Variants in UNC5A observed in about 807,000 individuals in gnomAD.
UNC5A encodes unc-5 netrin receptor A.
In UNC5A, 20 loss-of-function variants were observed where a neutral mutation model predicts 87.4. That is an observed-to-expected ratio of 0.23 (90% CI 0.16 to 0.33). The LOEUF (loss-of-function observed/expected upper bound fraction) is 0.33. Among genes scored for constraint, UNC5A ranks in the 10% least tolerant of loss-of-function variants. The probability of loss-of-function intolerance (pLI) is 1.00; values close to 1 mark genes in which losing one functional copy is unlikely to be tolerated. For missense variants in UNC5A, 844 were observed against 1,133.4 expected (o/e 0.74, Z 3.67); for synonymous variants, 438 against 482.3 (o/e 0.91, Z 1.20).
chr5:176,861,007 C>T (rs1466781556), intron 1 of UNC5A, among the ~76,000 whole-genome samples: 1 of 152,102 alleles, frequency 6.6e-6, no homozygotes, highest in Non-Finnish European at 1.5e-5. Context: ...TCCCAAATGC[C>T]CTCCACACCC....
rs149303258 is a variant in UNC5A at position 176,868,890 on chromosome 5, C to T, written c.647C>T (p.Thr216Met). 7 of 1,612,740 alleles carry T rather than the reference C, an allele frequency of 4.3e-6. No homozygotes were observed. In the African/African-American group the frequency reaches 5.3e-5, roughly 12 times the overall value. The change falls in exon 5 of 15, where the codon ACG becomes ATG. Residue 216 changes from threonine (T) to methionine (M), a missense_variant. Thr to Met is a moderately conservative substitution (Grantham distance 81). Around this residue, in one of 3 missense-constraint regions of UNC5A, gnomAD observed 314 missense variants for 466.5 expected, o/e 0.67. Coordinates refer to ENST00000329542, the MANE Select transcript of UNC5A (RefSeq NM_133369.3). Reference protein sequence around the residue: ...LVVRQARLADTANYTCVAKNI... With the variant: ...LVVRQARLADMANYTCVAKNI... ...GTGCGACAGGCCCGCCTTGCTGACACGGCCAACTACACCTGCGTGGCCAAG... is the reference window on the plus strand; with the variant it reads ...GTGCGACAGGCCCGCCTTGCTGACATGGCCAACTACACCTGCGTGGCCAAG...
rs189668572 is a variant in UNC5A at position 176,867,068 on chromosome 5, G to A, written c.293-1062G>A. ...AGCCTGCCGGCTCAGCTGGGCGGCC[G>A]CTCTTCCCGCAATGCAGCCCTAATT... is the stretch of plus-strand genomic sequence containing the variant. On this transcript the variant is annotated intron_variant, in intron 2 of 14. Coordinates refer to ENST00000329542, the MANE Select transcript of UNC5A (RefSeq NM_133369.3). Among the ~76,000 whole-genome samples the A allele has an allele frequency of 1.1e-4, 16 of 152,304 alleles. 1 individual carries two copies. The highest frequency in any genetic ancestry group is 6.8e-3 in the Middle Eastern group (2 of 294).
chr5:176,848,014 C>T lies in UNC5A; in HGVS notation c.71-14610C>T, dbSNP rs1013642280. On this transcript the variant is annotated intron_variant, in intron 1 of 14. Transcript: ENST00000329542. This position sits in a 1 kb window ranked among gnomAD's most constrained non-coding sequence, Gnocchi z 5.8. The stretch of plus-strand genomic sequence containing the variant: ...CTGGGCTTCTTGAGGGCGGAGGCTC[C>T]TGCTGCCTTCCCACACCAGACCTGG... Among the ~76,000 whole-genome samples, 2 of 152,128 alleles carry T rather than the reference C, an allele frequency of 1.3e-5. No homozygotes were observed. The highest frequency in any genetic ancestry group is 2.9e-5 in the Non-Finnish European group (2 of 68,002).
intron 2 of UNC5A, among the ~76,000 whole-genome samples, chr5:176,867,068 G>T (rs189668572): frequency 1.3e-5 from 2 of 152,186 alleles, no homozygotes; most frequent in African/African-American, 4.8e-5. Flanking sequence ...CTGGGCGGCC[G>T]CTCTTCCCGC....
intron 1 of UNC5A, among the ~76,000 whole-genome samples, chr5:176,855,887 C>T (rs1757655396): frequency 6.6e-6 from 1 of 152,222 alleles, no homozygotes; most frequent in Non-Finnish European, 1.5e-5. Flanking sequence ...ATTTCACATC[C>T]AGAACAGCTC....
chr5:176,832,811 C>A (rs1757060715), intron 1 of UNC5A, among the ~76,000 whole-genome samples: 1 of 152,142 alleles, frequency 6.6e-6, no homozygotes, highest in Non-Finnish European at 1.5e-5. Flanking sequence ...CAAGAGGGAG[C>A]CGTTGGTACT....
intron 1 of UNC5A, among the ~76,000 whole-genome samples, chr5:176,851,305 G>A (rs917161567): frequency 1.3e-5 from 2 of 152,266 alleles, no homozygotes; most frequent in Admixed American, 6.5e-5. Flanking sequence ...GTGCCGTGAC[G>A]GCTGTGGTTG....
intron 1 of UNC5A, among the ~76,000 whole-genome samples, chr5:176,860,756 C>T (rs924092935): frequency 1.3e-5 from 2 of 152,186 alleles, no homozygotes; most frequent in African/African-American, 2.4e-5. Flanking sequence ...TTCATTTTCA[C>T]GACATGTGAA....
At chr5:176,816,338 G>A (rs1320063870) in intron 1 of UNC5A, among the ~76,000 whole-genome samples, 2 of 152,246 alleles carry the variant, frequency 1.3e-5, no homozygotes, top group Non-Finnish European at 2.9e-5. Context: ...CAGGAATTGA[G>A]GGCCCACTTC....
chr5:176,865,026 T>C lies in UNC5A; in HGVS notation c.292+2181T>C. ...GGGCTCAGTTTCTTCATCTGTAAAA[T>C]GGGGGTGAGGAGACCTCCCCTCCAT... On this transcript the variant is annotated intron_variant, in intron 2 of 14. Transcript: ENST00000329542. The surrounding 1 kb of genome is among the most constrained non-coding windows in gnomAD (Gnocchi z 5.3). 28 of 354,518 alleles carry C rather than the reference T, an allele frequency of 7.9e-5. 2 individuals are homozygous for C. Among genetic ancestry groups the C allele is most frequent in the South Asian group, 5.8e-4 (28 of 48,324 alleles). The allele number at this position is 354,518 out of a possible 1,614,324, so 22.0% of individuals were successfully genotyped here.
chr5:176,854,704 C>T (rs1026241045), intron 1 of UNC5A, among the ~76,000 whole-genome samples: 1 of 152,254 alleles, frequency 6.6e-6, no homozygotes, highest in Non-Finnish European at 1.5e-5. Context: ...GGGCTCTTGT[C>T]CCATTGCTGG....
rs1320857253 is a variant in UNC5A, at chr5:176,877,721, C to T, written c.1635+18C>T. On this transcript the variant is annotated intron_variant, in intron 10 of 14. Coordinates refer to ENST00000329542, the MANE Select transcript of UNC5A (RefSeq NM_133369.3). The stretch of plus-strand genomic sequence containing the variant: ...GCTGGGAGGTGAGCAGGGAACTGAC[C>T]CGGGCTCCAGAAGGGAACGTGGGCT... 6.3e-7 allele frequency: 1 copy of T among 1,578,374 alleles called. No individual in the cohort carries two copies. The highest frequency in any genetic ancestry group is 8.6e-7 in the Non-Finnish European group (1 of 1,158,568).
chr5:176,852,441 C>T (rs57436395), intron 1 of UNC5A, among the ~76,000 whole-genome samples: 11,837 of 152,256 alleles, frequency 0.078, 792 homozygotes, highest in East Asian at 0.35. Flanking sequence ...GGCAGGAAAG[C>T]GCCTTCCTTC....
At chr5:176,839,310 A>T (rs1757213420) in intron 1 of UNC5A, among the ~76,000 whole-genome samples, 1 of 152,280 alleles carries the variant, frequency 6.6e-6, no homozygotes, top group Non-Finnish European at 1.5e-5. Context: ...AGCCATGAGC[A>T]CATCGGAAGA....
intron 1 of UNC5A, among the ~76,000 whole-genome samples, chr5:176,855,615 G>A (rs537339712): frequency 3.5e-4 from 53 of 152,344 alleles, no homozygotes; most frequent in African/African-American, 1.1e-3. Context: ...AGACGCCGCC[G>A]GTGTGGAGGG....
At chr5:176,842,606 G>A (rs1757303367) in intron 1 of UNC5A, among the ~76,000 whole-genome samples, 1 of 152,136 alleles carries the variant, frequency 6.6e-6, no homozygotes, top group Admixed American at 6.5e-5. Flanking sequence ...ACTCAGGAAT[G>A]GAAAACCAAA....
Position 176,864,184 on chromosome 5 carries a change from C to T in UNC5A, c.292+1339C>T, listed in dbSNP as rs1417335424. On this transcript the variant is annotated intron_variant, in intron 2 of 14. Coordinates refer to ENST00000329542, the MANE Select transcript of UNC5A (RefSeq NM_133369.3). ...GGAAGGATTCCCAGCGGAGGAGGAA[C>T]ATCCAAGCTCAGGTCTCAAAACCAC... Among the ~76,000 whole-genome samples, 3 of 152,000 alleles carry T rather than the reference C, an allele frequency of 2.0e-5. No homozygotes were observed. In the East Asian group the frequency reaches 5.9e-4, roughly 30 times the overall value.
At position 176,879,851 on chromosome 5, in the gene UNC5A, G is replaced by T. The variant is rs553703761; in HGVS notation, c.2494G>T (p.Ala832Ser). Reference sequence around the variant, plus strand: ...AGTGGCTGGACTGGGCCAGCCAGACGCTGGCCTCTTCACAGTGTCGGAGGC... The same window carrying T: ...AGTGGCTGGACTGGGCCAGCCAGACTCTGGCCTCTTCACAGTGTCGGAGGC... ...AAVAGLGQPD[A>S]GLFTVSEAEC is the part of the protein sequence containing the mutation. Residue 832 changes from alanine (A) to serine (S), a missense_variant, in exon 15 of 15, where the codon GCT becomes TCT. Coordinates refer to ENST00000329542, the MANE Select transcript of UNC5A (RefSeq NM_133369.3). 2 of 1,612,312 alleles carry T rather than the reference G, an allele frequency of 1.2e-6. No homozygotes were observed. Among genetic ancestry groups the T allele is most frequent in the East Asian group, 4.5e-5 (2 of 44,852 alleles).
rs368241618 is a variant in UNC5A, at chr5:176,877,256, G to A, written c.1443G>A (p.Thr481=). 3.9e-5 allele frequency: 63 copies of A among 1,612,490 alleles called. No individual in the cohort carries two copies. Among genetic ancestry groups the A allele is most frequent in the African/African-American group, 3.5e-4 (26 of 74,896 alleles). ...GGAAGATCTATGAGATCTACCTCAC[G>A]CTGCACAAGCCGGAAGACGTGAGGT... ...PRGKIYEIYL[T]LHKPEDVRLP... Residue 481 remains threonine (T), a synonymous_variant, in exon 9 of 15, where the codon ACG becomes ACA. Transcript: ENST00000329542.
Sources: gnomAD v4.1 joint callset for allele counts (sites outside exome capture counted in the v4.1 genomes callset) on GRCh38, gnomAD v4.1.1 for gene constraint, gnomAD v4.1.1 regional missense constraint, Gnocchi (gnomAD v3.1) non-coding constraint, MANE v1.5 for transcripts, NCBI Gene and HGNC (gene_info 2026-07-23, HGNC 2026-07-21) for gene names.